The following SATB2 variants were observed in gnomAD, a reference collection of about 807,000 sequenced individuals.
SATB2 encodes the protein DNA-binding protein SATB2.
In SATB2, 1 loss-of-function variant was observed where a neutral mutation model predicts 73.4. That is an observed-to-expected ratio of 0.01 (90% CI 0.00 to 0.06). The LOEUF (loss-of-function observed/expected upper bound fraction) is 0.06. Among genes scored for constraint, SATB2 ranks in the 10% least tolerant of loss-of-function variants. The probability of loss-of-function intolerance (pLI) is 1.00; values close to 1 mark genes in which losing one functional copy is unlikely to be tolerated. For synonymous variants in SATB2, 397 were observed against 367.0 expected (o/e 1.08, Z -0.93); for missense variants, 459 against 945.8 (o/e 0.49, Z 6.75).
At chr2:199,468,440 C>T (rs921024132), upstream of SATB2, among the ~76,000 whole-genome samples, 2 of 152,150 alleles carry the variant, frequency 1.3e-5, no homozygotes, top group Non-Finnish European at 2.9e-5. Context: ...TCTGGGAGCA[C>T]CGCCTGGCAG....
At chr2:199,353,807 G>A (rs866517646) in intron 6 of SATB2, among the ~76,000 whole-genome samples, 3 of 151,962 alleles carry the variant, frequency 2.0e-5, no homozygotes, top group African/African-American at 7.3e-5. Flanking sequence ...GCAGTGCCTG[G>A]TTTTGTGTTC....
intron 2 of SATB2, among the ~76,000 whole-genome samples, chr2:199,450,608 C>T (rs962111007): frequency 2.0e-5 from 3 of 151,756 alleles, no homozygotes; most frequent in Non-Finnish European, 2.9e-5. Flanking sequence ...CCAACAGAAA[C>T]CTAAAAAGCT....
intron 2 of SATB2, among the ~76,000 whole-genome samples, chr2:199,449,437 T>C (rs891377976): frequency 1.3e-5 from 2 of 152,172 alleles, no homozygotes; most frequent in Admixed American, 6.5e-5. Flanking sequence ...TAGAGTTCCA[T>C]AATTTTGAAA....
intron 3 of SATB2, among the ~76,000 whole-genome samples, chr2:199,417,032 T>TCA (rs1491415048): frequency 1.1e-4 from 8 of 72,444 alleles, no homozygotes; most frequent in African/African-American, 4.0e-4. Flanking sequence ...TGAGACTCCG[T>TCA]CTCTCACACA....
Position 199,455,783 on chromosome 2 carries a change from G to C in SATB2, c.169+86C>G, listed in dbSNP as rs1692254419. On this transcript the variant is annotated intron_variant, in intron 2 of 10. Coordinates refer to ENST00000417098, the MANE Select transcript of SATB2 (RefSeq NM_001172509.2). This position sits in a 1 kb window ranked among gnomAD's most constrained non-coding sequence, Gnocchi z 4.1. ...TTCACTTCCTGTAATCCTACACCGC[G>C]ACAGCGCCTAATCAACCTGAACCCT... 1.0e-5 allele frequency: 15 copies of C among 1,442,964 alleles called. No individual in the cohort carries two copies. The South Asian group carries it at 1.3e-4, about 13-fold the overall frequency. 89.4% of individuals were successfully genotyped at this position (1,442,964 alleles called of 1,614,324 possible).
At chr2:199,362,952 C>T (rs1366445352) in intron 6 of SATB2, among the ~76,000 whole-genome samples, 2 of 152,214 alleles carry the variant, frequency 1.3e-5, no homozygotes, top group East Asian at 3.9e-4. Context: ...AGAAATAGTA[C>T]AAATATGAGT....
intron 3 of SATB2, among the ~76,000 whole-genome samples, chr2:199,410,808 T>G (rs1275412192): frequency 6.6e-6 from 1 of 152,242 alleles, no homozygotes; most frequent in East Asian, 1.9e-4. Context: ...TGAATTTTCC[T>G]ATTATAACTA....
chr2:199,428,889 C>T (rs1441903766), intron 3 of SATB2, among the ~76,000 whole-genome samples: 1 of 151,792 alleles, frequency 6.6e-6, no homozygotes, highest in African/African-American at 2.4e-5. Flanking sequence ...GCATGGCCAC[C>T]CAGCTACTCA....
At chr2:199,434,628 T>C (rs1180459192) in intron 2 of SATB2, among the ~76,000 whole-genome samples, 1 of 152,074 alleles carries the variant, frequency 6.6e-6, no homozygotes, top group African/African-American at 2.4e-5. Context: ...GAAGACTGGG[T>C]GAGTAGGCAG....
At chr2:199,306,505 T>C (rs1469981029) in intron 10 of SATB2, among the ~76,000 whole-genome samples, 1 of 152,162 alleles carries the variant, frequency 6.6e-6, no homozygotes, top group Non-Finnish European at 1.5e-5. Context: ...ATAAAATAAG[T>C]GCATTTCTCT....
At chr2:199,467,526 T>C (rs916994387), upstream of SATB2, 6 of 152,190 alleles carry the variant, frequency 3.9e-5, no homozygotes, top group Non-Finnish European at 5.9e-5. Flanking sequence ...ACTTCAGGCA[T>C]TCAATGAAAG....
chr2:199,422,255 T>C (rs1312967655), intron 3 of SATB2, among the ~76,000 whole-genome samples: 1 of 151,886 alleles, frequency 6.6e-6, no homozygotes, highest in African/African-American at 2.4e-5. Flanking sequence ...ATCTCTAGAA[T>C]GGTTGGTTCA....
chr2:199,389,356 G>A (rs973066077), intron 3 of SATB2, among the ~76,000 whole-genome samples: 1 of 151,738 alleles, frequency 6.6e-6, no homozygotes, highest in African/African-American at 2.4e-5. Flanking sequence ...TTGCATTGGG[G>A]TAAAAGTAAG....
At chr2:199,276,785 G>A (rs1041388719) in intron 10 of SATB2, among the ~76,000 whole-genome samples, 1 of 151,312 alleles carries the variant, frequency 6.6e-6, no homozygotes, top group Non-Finnish European at 1.5e-5. Flanking sequence ...CCAGTGGAGG[G>A]GCAAAAAAAA....
At chr2:199,323,490 C>T (rs1687946141) in intron 9 of SATB2, among the ~76,000 whole-genome samples, 1 of 148,088 alleles carries the variant, frequency 6.8e-6, no homozygotes, top group South Asian at 2.4e-4. Flanking sequence ...CACACACACA[C>T]ACACACACAC....
intron 10 of SATB2, among the ~76,000 whole-genome samples, chr2:199,277,302 A>G (rs1169092816): frequency 6.6e-6 from 1 of 152,236 alleles, no homozygotes; most frequent in Non-Finnish European, 1.5e-5. Context: ...CTGTACAATT[A>G]AAATCTGTGC....
intron 6 of SATB2, among the ~76,000 whole-genome samples, chr2:199,351,715 C>T (rs1688825285): frequency 6.6e-6 from 1 of 152,046 alleles, no homozygotes; most frequent in Non-Finnish European, 1.5e-5. Flanking sequence ...ACAGTAAAAT[C>T]TTATTTTATA....
At chr2:199,411,722 A>C (rs1418799174) in intron 3 of SATB2, among the ~76,000 whole-genome samples, 1 of 152,222 alleles carries the variant, frequency 6.6e-6, no homozygotes, top group Non-Finnish European at 1.5e-5. Flanking sequence ...ATAGGTGTGG[A>C]CAGGACTAGT....
chr2:199,391,769 C>T (rs901314237), intron 3 of SATB2, among the ~76,000 whole-genome samples: 1 of 152,074 alleles, frequency 6.6e-6, no homozygotes, highest in Non-Finnish European at 1.5e-5. Flanking sequence ...TCACAACATA[C>T]ATGGTGATAA....
Sources: gnomAD v4.1 joint callset for allele counts (sites outside exome capture counted in the v4.1 genomes callset) on GRCh38, gnomAD v4.1.1 for gene constraint, Gnocchi (gnomAD v3.1) non-coding constraint, MANE v1.5 for transcripts, NCBI Gene and HGNC (gene_info 2026-07-23, HGNC 2026-07-21) for gene names.